The following ARHGEF37 variants were observed in gnomAD, a reference collection of about 807,000 sequenced individuals.
The protein encoded by ARHGEF37 is Rho guanine nucleotide exchange factor 37.
ARHGEF37 carries 55 observed loss-of-function variants against 71.1 expected under a neutral mutation model. That is an observed-to-expected ratio of 0.77 (90% CI 0.62 to 0.97). The LOEUF is 0.97. Among genes scored for constraint, ARHGEF37 ranks in the 50% least tolerant of loss-of-function variants. The pLI is 0.00. For synonymous variants in ARHGEF37, 327 were observed against 350.6 expected (o/e 0.93, Z 0.75); for missense variants, 765 against 836.8 (o/e 0.91, Z 1.06).
In ARHGEF37 at chr5:149,632,228, G is replaced by A. The variant is rs1256118208; in HGVS notation, c.*37G>A. On this transcript the variant is annotated 3_prime_UTR_variant, in exon 13 of 13. Transcript: ENST00000333677. The stretch of plus-strand genomic sequence containing the variant: ...TGGAGCCTACATTGCCAAATGATGG[G>A]GGAGGCTTAGAGGCTCTGACCCTGG... 1.9e-6 allele frequency: 3 copies of A among 1,604,936 alleles called. No individual in the cohort carries two copies. Among genetic ancestry groups the A allele is most frequent in the Non-Finnish European group, 2.6e-6 (3 of 1,173,400 alleles).
chr5:149,606,889 G>T (rs1012709384), intron 3 of ARHGEF37: 9 of 152,066 alleles, frequency 5.9e-5, no homozygotes, highest in African/African-American at 2.2e-4. Context: ...TCTGTTTCCT[G>T]CTTATTTCCT....
chr5:149,584,538 G>A (rs1763182451), intron 1 of ARHGEF37, among the ~76,000 whole-genome samples: 1 of 152,090 alleles, frequency 6.6e-6, no homozygotes, highest in African/African-American at 2.4e-5. Context: ...TTGTTTCACA[G>A]TAGTTTCTAA....
At chr5:149,602,698 CCTT>C (rs1418661367) in intron 3 of ARHGEF37, among the ~76,000 whole-genome samples, 3 of 152,086 alleles carry the variant, frequency 2.0e-5, no homozygotes, top group South Asian at 2.1e-4. Flanking sequence ...ATACCTGTCT[CCTT>C]CTGTCTCATC....
At position 149,621,944 on chromosome 5, in the gene ARHGEF37, T is replaced by C; in HGVS notation, c.1217T>C (p.Leu406Pro). The part of the protein sequence containing the change: ...QALNSLLVAE[L>P]PQFNQLVMQW... Reference sequence around the variant, plus strand: ...CTCAACTCGCTGCTAGTGGCTGAGCTCCCACAGTTTAACCAGCTGGTCATG... The same window carrying C: ...CTCAACTCGCTGCTAGTGGCTGAGCCCCCACAGTTTAACCAGCTGGTCATG... Residue 406 changes from leucine (L) to proline (P), a missense_variant, in exon 9 of 13, where the codon CTC (leucine) becomes CCC (proline). Around this residue, in one of 5 missense-constraint regions of ARHGEF37, gnomAD observed 390 missense variants for 407.4 expected, o/e 0.96. Coordinates refer to ENST00000333677, the MANE Select transcript of ARHGEF37 (RefSeq NM_001001669.3). The C allele has an allele frequency of 6.2e-7, 1 of 1,614,230 alleles. No homozygotes were observed. Among genetic ancestry groups the C allele is most frequent in the South Asian group, 1.1e-5 (1 of 91,088 alleles).
At chr5:149,601,325 G>A in intron 3 of ARHGEF37, 94 bp downstream of exon 3, 1 of 1,440,922 alleles carries the variant, frequency 6.9e-7, no homozygotes, top group Non-Finnish European at 9.3e-7. Context: ...GAGTTCCAGA[G>A]AAATGCAGCT....
chr5:149,582,569 T>C (rs1401575255), intron 1 of ARHGEF37, among the ~76,000 whole-genome samples: 1 of 152,162 alleles, frequency 6.6e-6, no homozygotes, highest in African/African-American at 2.4e-5. Context: ...TAATATATGC[T>C]CAATAAAAGT....
intron 1 of ARHGEF37, among the ~76,000 whole-genome samples, chr5:149,584,295 T>C (rs561268797): frequency 2.6e-5 from 4 of 152,306 alleles, no homozygotes; most frequent in East Asian, 1.9e-4. Context: ...AGCTGCTGTT[T>C]GATTTGGGTT....
chr5:149,615,124 C>T (rs1404256999), intron 4 of ARHGEF37, among the ~76,000 whole-genome samples: 5 of 152,016 alleles, frequency 3.3e-5, no homozygotes, highest in Non-Finnish European at 5.9e-5. Context: ...CTGGAAGGGA[C>T]CTTGGCACCA....
rs960748113 is a variant in ARHGEF37 at position 149,582,777 on chromosome 5, C to T, written c.-12+1153C>T. ...AAACTATGTACATCTATTATGTACA[C>T]AGTTTAAAATTTAATTTAATTAATT... On this transcript the variant is annotated intron_variant, in intron 1 of 12. Transcript: ENST00000333677. Among the ~76,000 whole-genome samples the T allele has an allele frequency of 2.7e-5, 4 of 150,252 alleles. No individual in the cohort carries two copies. The East Asian group carries it at 5.9e-4, about 22-fold the overall frequency.
At chr5:149,560,602 T>C (rs2113232379) in intron 1 of ARHGEF37, among the ~76,000 whole-genome samples, 1 of 152,304 alleles carries the variant, frequency 6.6e-6, no homozygotes, top group Admixed American at 6.5e-5. Context: ...TTTTAAAAGA[T>C]GTCAGATTTT....
intron 1 of ARHGEF37, among the ~76,000 whole-genome samples, chr5:149,573,290 G>T (rs1201757135): frequency 6.6e-6 from 1 of 152,140 alleles, no homozygotes; most frequent in Admixed American, 6.6e-5. Context: ...AGTTTTGGTA[G>T]GGACAAACAA....
At chr5:149,577,432 G>A (rs866960353), upstream of ARHGEF37, among the ~76,000 whole-genome samples, 7 of 152,102 alleles carry the variant, frequency 4.6e-5, no homozygotes, top group South Asian at 1.0e-3. Flanking sequence ...AGCATTGCGC[G>A]TATTGTGGTG....
At chr5:149,560,314 A>G (rs1309247689) in intron 1 of ARHGEF37, among the ~76,000 whole-genome samples, 2 of 152,110 alleles carry the variant, frequency 1.3e-5, no homozygotes, top group Non-Finnish European at 2.9e-5. Flanking sequence ...GAGGTTCTCC[A>G]TGATGGTCAG....
rs140315439 is a variant in ARHGEF37 at position 149,615,698 on chromosome 5, T to C, written c.459-869T>C. On this transcript the variant is annotated intron_variant, in intron 4 of 12. Coordinates refer to ENST00000333677, the MANE Select transcript of ARHGEF37 (RefSeq NM_001001669.3). The stretch of plus-strand genomic sequence containing the variant: ...CAAGGTCAAGAGATTGAGACCATCC[T>C]GGCCAACATGGTGAAACCCCGTCTC... 0.014 allele frequency among the ~76,000 whole-genome samples: 2,176 copies of C among 152,162 alleles called. 197 individuals are homozygous for C. In the East Asian group the frequency reaches 0.26, roughly 18 times the overall value.
At position 149,620,408 on chromosome 5, in the gene ARHGEF37, G is replaced by A; in HGVS notation, c.949G>A (p.Ala317Thr). Residue 317 changes from alanine (A) to threonine (T), a missense_variant, in exon 8 of 13, where the codon GCA becomes ACA. Ala to Thr is a moderately conservative substitution (Grantham distance 58, BLOSUM62 0). Around this residue, in one of 5 missense-constraint regions of ARHGEF37, gnomAD observed 167 missense variants for 173.3 expected, o/e 0.96. Coordinates refer to ENST00000333677, the MANE Select transcript of ARHGEF37 (RefSeq NM_001001669.3). Reference protein sequence around the residue: ...EYNLDIPEGPAVQYCNLARDL... With the variant: ...EYNLDIPEGPTVQYCNLARDL... ...CAATCTGGACATCCCCGAGGGGCCT[G>A]CAGTGCAGTATTGCAATTTGGCAAG... 1 of 1,612,848 alleles carries A rather than the reference G, an allele frequency of 6.2e-7. No individual in the cohort carries two copies. The highest frequency in any genetic ancestry group is 8.5e-7 in the Non-Finnish European group (1 of 1,179,452).
At chr5:149,611,827 T>C (rs1180301058) in intron 4 of ARHGEF37, among the ~76,000 whole-genome samples, 2 of 152,192 alleles carry the variant, frequency 1.3e-5, no homozygotes, top group Admixed American at 6.5e-5. Flanking sequence ...ATTACATACA[T>C]TTACTATCCT....
chr5:149,614,288 A>G (rs766024557), intron 4 of ARHGEF37, among the ~76,000 whole-genome samples: 3 of 152,068 alleles, frequency 2.0e-5, no homozygotes, highest in Admixed American at 2.0e-4. Context: ...TGTACCCTTT[A>G]CAAATTGCCA....
intron 1 of ARHGEF37, among the ~76,000 whole-genome samples, chr5:149,563,766 A>C (rs1762864960): frequency 6.6e-6 from 1 of 152,164 alleles, no homozygotes; most frequent in Admixed American, 6.6e-5. Flanking sequence ...CTTCGTGTAG[A>C]AGATTCCTTT....
chr5:149,578,140 A>G (rs1337092373), upstream of ARHGEF37, among the ~76,000 whole-genome samples: 1 of 152,180 alleles, frequency 6.6e-6, no homozygotes, highest in African/African-American at 2.4e-5. Context: ...TTACTAATCC[A>G]GTTCTCTAGC....
Sources: gnomAD v4.1 joint callset for allele counts (sites outside exome capture counted in the v4.1 genomes callset) on GRCh38, gnomAD v4.1.1 for gene constraint, gnomAD v4.1.1 regional missense constraint, MANE v1.5 for transcripts, NCBI Gene and HGNC (gene_info 2026-07-23, HGNC 2026-07-21) for gene names.